Variants in PDK1 observed in about 807,000 individuals in gnomAD.
PDK1 encodes the protein [Pyruvate dehydrogenase (acetyl-transferring)] kinase isozyme 1, mitochondrial.
A neutral mutation model predicts 54.2 loss-of-function variants in PDK1; 39 were observed. That is an observed-to-expected ratio of 0.72 (90% CI 0.56 to 0.94). PDK1 has a LOEUF of 0.94. Among genes scored for constraint, PDK1 ranks in the 40% least tolerant of loss-of-function variants. The probability of loss-of-function intolerance (pLI) is 0.00; values close to 1 mark genes in which losing one functional copy is unlikely to be tolerated. For synonymous variants in PDK1, 221 were observed against 207.1 expected (o/e 1.07, Z -0.58); for missense variants, 552 against 566.0 (o/e 0.98, Z 0.25).
At chr2:172,625,424 G>C in the PDK1 span, among the ~76,000 whole-genome samples, 4 of 152,304 alleles carry the variant, frequency 2.6e-5, no homozygotes, top group East Asian at 7.7e-4. Context: ...TCCAGGCAGA[G>C]TGATGTTCCT....
the PDK1 span, among the ~76,000 whole-genome samples, chr2:172,639,025 T>A: frequency 2.6e-5 from 4 of 152,160 alleles, no homozygotes; most frequent in Non-Finnish European, 1.5e-5. Context: ...AGTACCTTTT[T>A]AAAAAAATTT....
At position 172,562,949 on chromosome 2, in the gene PDK1, A is replaced by G; in HGVS notation, c.410+658A>G. Reference sequence around the variant, plus strand: ...TCAGTTAGTTACACATGTTTTTTGGACTGTCTTTAAAGTGAACAGTAACAC... The same window carrying G: ...TCAGTTAGTTACACATGTTTTTTGGGCTGTCTTTAAAGTGAACAGTAACAC... On this transcript the variant is annotated intron_variant, in intron 3 of 10. Transcript: ENST00000282077. 7.6e-6 allele frequency: 5 copies of G among 659,600 alleles called. 1 individual carries two copies. In the South Asian group the frequency reaches 1.1e-4, roughly 15 times the overall value. 40.9% of individuals were successfully genotyped at this position (659,600 alleles called of 1,614,324 possible).
At chr2:172,679,436 G>C in the PDK1 span, among the ~76,000 whole-genome samples, 1 of 152,098 alleles carries the variant, frequency 6.6e-6, no homozygotes, top group Admixed American at 6.5e-5. Flanking sequence ...AACAGGGCAA[G>C]ACTCTGTCTC....
chr2:172,680,320 A>G, the PDK1 span, among the ~76,000 whole-genome samples: 2 of 152,096 alleles, frequency 1.3e-5, no homozygotes, highest in Non-Finnish European at 2.9e-5. Context: ...TTACTGAATA[A>G]ATGAATTGTA....
At chr2:172,659,000 C>A in the PDK1 span, among the ~76,000 whole-genome samples, 1 of 152,140 alleles carries the variant, frequency 6.6e-6, no homozygotes. Flanking sequence ...AGCATGTGAT[C>A]TTTGTTCTCC....
At chr2:172,634,383 C>T in the PDK1 span, among the ~76,000 whole-genome samples, 1 of 150,112 alleles carries the variant, frequency 6.7e-6, no homozygotes, top group African/African-American at 2.4e-5. Flanking sequence ...AGCGATTCCC[C>T]TGCCTCAGCC....
chr2:172,713,079 AGAG>A, the PDK1 span, among the ~76,000 whole-genome samples: 1 of 152,028 alleles, frequency 6.6e-6, no homozygotes, highest in African/African-American at 2.4e-5. Flanking sequence ...TCCTCAGTGG[AGAG>A]GAGACCTGGA....
At position 172,604,516 on chromosome 2, in the gene PDK1, T is replaced by C; in HGVS notation, c.*8547T>C. 6.6e-6 allele frequency: 1 copy of C among 152,336 alleles called. No homozygotes were observed. The highest frequency in any genetic ancestry group is 1.9e-4 in the East Asian group (1 of 5,194). 9.4% of individuals were successfully genotyped at this position (152,336 alleles called of 1,614,324 possible). ...TTTTTTTAAAAAAACGTTTTTCCTC[T>C]CCAATGTTCATTGCTAATACATTTC... On this transcript the variant is annotated 3_prime_UTR_variant, in exon 11 of 11. Coordinates refer to ENST00000282077, the MANE Select transcript of PDK1 (RefSeq NM_002610.5).
At chr2:172,631,279 A>C in the PDK1 span, among the ~76,000 whole-genome samples, 1 of 152,152 alleles carries the variant, frequency 6.6e-6, no homozygotes, top group Non-Finnish European at 1.5e-5. Flanking sequence ...TTCCACAATT[A>C]GTTTGTTTGG....
the PDK1 span, among the ~76,000 whole-genome samples, chr2:172,662,212 G>A: frequency 6.6e-6 from 1 of 151,920 alleles, no homozygotes; most frequent in South Asian, 2.1e-4. Context: ...ACTCATGGTG[G>A]AACTACACTC....
At chr2:172,624,131 C>T in the PDK1 span, among the ~76,000 whole-genome samples, 11 of 152,306 alleles carry the variant, frequency 7.2e-5, no homozygotes, top group East Asian at 1.3e-3. Context: ...TCTTCATCCA[C>T]GTGGACTATG....
chr2:172,576,150 T>C (rs1689571338), intron 8 of PDK1, among the ~76,000 whole-genome samples: 1 of 152,092 alleles, frequency 6.6e-6, no homozygotes, highest in East Asian at 1.9e-4. Context: ...ATGGTTTCGA[T>C]CTCCTGACCT....
chr2:172,700,868 C>T, the PDK1 span, among the ~76,000 whole-genome samples: 7 of 152,258 alleles, frequency 4.6e-5, no homozygotes, highest in East Asian at 1.9e-4. Flanking sequence ...TCAGGCATGG[C>T]GGCGCACGCC....
chr2:172,708,982 G>A, the PDK1 span, among the ~76,000 whole-genome samples: 1 of 152,148 alleles, frequency 6.6e-6, no homozygotes, highest in African/African-American at 2.4e-5. Context: ...GTAATTGATA[G>A]CTGCAGTCAG....
the PDK1 span, among the ~76,000 whole-genome samples, chr2:172,620,912 A>C: frequency 2.6e-5 from 4 of 152,094 alleles, no homozygotes; most frequent in African/African-American, 9.7e-5. Context: ...TACCGAGTCT[A>C]GTTACTTCTT....
the PDK1 span, among the ~76,000 whole-genome samples, chr2:172,711,415 C>T: frequency 6.6e-6 from 1 of 152,056 alleles, no homozygotes; most frequent in South Asian, 2.1e-4. Flanking sequence ...AGTTTAGGTC[C>T]GCAGGAAATG....
At chr2:172,584,023 A>G (rs1486035534) in intron 8 of PDK1, among the ~76,000 whole-genome samples, 3 of 152,216 alleles carry the variant, frequency 2.0e-5, no homozygotes, top group Non-Finnish European at 4.4e-5. Context: ...GAAAAATTGT[A>G]TGTAAATAAA....
At chr2:172,673,422 C>T in the PDK1 span, among the ~76,000 whole-genome samples, 14 of 152,184 alleles carry the variant, frequency 9.2e-5, no homozygotes, top group South Asian at 4.1e-4. Flanking sequence ...GGGATCTTAT[C>T]AGGAAGCTGC....
chr2:172,680,792 A>G, the PDK1 span, among the ~76,000 whole-genome samples: 1 of 152,268 alleles, frequency 6.6e-6, no homozygotes, highest in Non-Finnish European at 1.5e-5. Flanking sequence ...CAAAGGGAAT[A>G]AGACAATGGG....
Sources: allele counts gnomAD v4.1 joint callset (sites outside exome capture counted in the v4.1 genomes callset), GRCh38; gene constraint gnomAD v4.1.1; transcripts MANE v1.5; gene names NCBI Gene and HGNC (gene_info 2026-07-23, HGNC 2026-07-21).